ESYT3: variants seen among roughly 807,000 people sequenced by gnomAD.
The protein encoded by ESYT3 is extended synaptotagmin 3.
In ESYT3, 101 loss-of-function variants were observed where a neutral mutation model predicts 111.5. The ratio of observed to expected loss-of-function variants is 0.91; its 90% CI spans 0.77 to 1.07. The LOEUF (loss-of-function observed/expected upper bound fraction) is 1.07, where lower values mean the gene tolerates loss of function less well. ESYT3 is among the 50% of genes least tolerant of loss of function. ESYT3 has a pLI of 0.00. For synonymous variants in ESYT3, 416 were observed against 446.8 expected, an observed-to-expected ratio of 0.93 and a Z score of 0.87; for missense variants, 1,097 against 1,109.4, an observed-to-expected ratio of 0.99 and a Z score of 0.16.
At chr3:138,443,338 G>C (rs570381333) in intron 1 of ESYT3, among the ~76,000 whole-genome samples, 1 of 152,346 alleles carries the variant, frequency 6.6e-6, no homozygotes, top group South Asian at 2.1e-4. Context: ...AGTTTTAATG[G>C]TTAAATGTTT....
chr3:138,455,341 CGGGA>C lies in ESYT3; in HGVS notation c.504+17_504+20del. The C allele has an allele frequency of 6.2e-7, 1 of 1,613,838 alleles. No homozygotes were observed. The highest frequency in any genetic ancestry group is 8.5e-7 in the Non-Finnish European group (1 of 1,179,840). Reference sequence around the variant, plus strand: ...CTTTGGACAGAAGGTGGGTGTGTCTCGGGAGGGTCAGCCTGGACTGGCTGTGCAG... The same window carrying C: ...CTTTGGACAGAAGGTGGGTGTGTCTCGGGTCAGCCTGGACTGGCTGTGCAG... On this transcript the variant is annotated intron_variant, in intron 3 of 22. Coordinates refer to ENST00000389567, the MANE Select transcript of ESYT3 (RefSeq NM_031913.5).
chr3:138,464,506 A>G lies in ESYT3; in HGVS notation c.1077A>G (p.Glu359=). The G allele has an allele frequency of 6.2e-7, 1 of 1,613,982 alleles. No homozygotes were observed. Residue 359 remains glutamate, a synonymous_variant, in exon 9 of 23, where the codon GAA becomes GAG. Transcript: ENST00000389567. ...IYRNLNPTWN[E]VFEFMVYEVP... is the part of the protein sequence containing the mutation. Reference sequence around the variant, plus strand: ...GGAACCTGAACCCCACCTGGAACGAAGTGTTTGAGGTAAGGGTCTCCTTGG... The same window carrying G: ...GGAACCTGAACCCCACCTGGAACGAGGTGTTTGAGGTAAGGGTCTCCTTGG...
rs767079355 is a variant in ESYT3, at chr3:138,476,891, T to G, written c.*37T>G. On this transcript the variant is annotated 3_prime_UTR_variant, in exon 23 of 23. Transcript: ENST00000389567. The stretch of plus-strand genomic sequence containing the variant: ...CTTATCACTCACCTTTATATTAAAA[T>G]GTATATATATGTATATATTTTTTCC... 10 of 1,503,748 alleles carry G rather than the reference T, an allele frequency of 6.7e-6. No individual in the cohort carries two copies. The South Asian group carries it at 1.2e-4, about 18-fold the overall frequency. 93.2% of individuals were successfully genotyped at this position (1,503,748 alleles called of 1,614,324 possible).
chr3:138,460,396 C>G (rs1002476904), intron 6 of ESYT3, among the ~76,000 whole-genome samples: 3 of 152,188 alleles, frequency 2.0e-5, no homozygotes, highest in African/African-American at 7.2e-5. Context: ...GAGCTGAGGC[C>G]TGGGCCCTCG....
At chr3:138,468,304 C>T (rs2033038550) in intron 12 of ESYT3, 110 bp downstream of exon 12, 1 of 999,040 alleles carries the variant, frequency 1.0e-6, no homozygotes, top group Non-Finnish European at 1.6e-6. Flanking sequence ...TTGCTCACCT[C>T]CTGAAGAACA....
At chr3:138,465,710 C>T (rs1291561570) in intron 10 of ESYT3, among the ~76,000 whole-genome samples, 2 of 152,170 alleles carry the variant, frequency 1.3e-5, no homozygotes, top group Non-Finnish European at 2.9e-5. Flanking sequence ...TACCAAGTCC[C>T]CATTTGGAGT....
Position 138,462,106 on chromosome 3 carries a change from TG to T in ESYT3, c.817del (p.Glu273ArgfsTer14), listed in dbSNP as rs1481139182. 37 of 1,614,162 alleles carry T rather than the reference TG, an allele frequency of 2.3e-5. No homozygotes were observed. The highest frequency in any genetic ancestry group is 3.1e-5 in the Non-Finnish European group (37 of 1,180,024). ...TCCAGTGATGTGTCAGACAGCTTAC[TG>T]GAGGACCTCATTGCCACCCACCTGG... The part of the protein sequence containing the change: ...PGINDVSDSL[L>X]EDLIATHLVL... On this transcript the variant is annotated frameshift_variant, in exon 8 of 23. Transcript: ENST00000389567. LOFTEE classifies it high-confidence loss of function.
At chr3:138,436,770 ATC>A (rs1480338995) in intron 1 of ESYT3, among the ~76,000 whole-genome samples, 2 of 152,140 alleles carry the variant, frequency 1.3e-5, no homozygotes, top group East Asian at 1.9e-4. Context: ...CATCTGTCAG[ATC>A]TCTGTTTTGT....
chr3:138,468,020 C>T (rs1230937252), intron 11 of ESYT3, 85 bp from the exon 12 acceptor site: 2 of 1,232,808 alleles, frequency 1.6e-6, no homozygotes, highest in Admixed American at 3.6e-5. Flanking sequence ...TACTAGGATG[C>T]CAGGTCTCAG....
Position 138,474,338 on chromosome 3 carries a change from CCT to C in ESYT3, c.2455_2456del (p.Leu819ValfsTer2), listed in dbSNP as rs769318549. 1.6e-5 allele frequency: 26 copies of C among 1,596,248 alleles called. No homozygotes were observed. Among genetic ancestry groups the C allele is most frequent in the South Asian group, 2.3e-5 (2 of 86,852 alleles). The stretch of plus-strand genomic sequence containing the variant: ...CAGTGAAGCGGAAGACCTTGGAACC[CCT>C]GTTTGATGAGACGTAAGTGGGCTGG... ...TSVKRKTLEP[L>X]FDETFEFFVP... On this transcript the variant is annotated frameshift_variant, in exon 20 of 23. Coordinates refer to ENST00000389567, the MANE Select transcript of ESYT3 (RefSeq NM_031913.5). LOFTEE classifies it high-confidence loss of function.
intron 18 of ESYT3, chr3:138,473,130 G>T: frequency 7.3e-7 from 1 of 1,363,926 alleles, no homozygotes; most frequent in Non-Finnish European, 9.4e-7. Flanking sequence ...GAGTTATACT[G>T]GGATGACATG....
chr3:138,460,593 T>G lies in ESYT3; in HGVS notation c.739-18T>G, dbSNP rs752138104. 1 of 1,613,770 alleles carries G rather than the reference T, an allele frequency of 6.2e-7. No homozygotes were observed. The highest frequency in any genetic ancestry group is 1.1e-5 in the South Asian group (1 of 91,072). Reference sequence around the variant, plus strand: ...TCCCAACCCTTTCCAGCCTAATAGCTTCCCTCTGCCCCTGAAGCACCTACA... The same window carrying G: ...TCCCAACCCTTTCCAGCCTAATAGCGTCCCTCTGCCCCTGAAGCACCTACA... On this transcript the variant is annotated intron_variant, in intron 6 of 22. Transcript: ENST00000389567.
At chr3:138,452,847 A>G (rs1343567826) in intron 2 of ESYT3, among the ~76,000 whole-genome samples, 2 of 152,180 alleles carry the variant, frequency 1.3e-5, no homozygotes, top group Non-Finnish European at 2.9e-5. Context: ...GGTTAGGTAT[A>G]AGAAAGGACT....
At chr3:138,460,944 G>C (rs1193683462) in intron 7 of ESYT3, among the ~76,000 whole-genome samples, 4 of 152,214 alleles carry the variant, frequency 2.6e-5, no homozygotes, top group Non-Finnish European at 5.9e-5. Flanking sequence ...TTGGGCTGAC[G>C]TTCAGGTCCC....
intron 2 of ESYT3, among the ~76,000 whole-genome samples, chr3:138,454,653 C>T (rs1009575327): frequency 6.6e-6 from 1 of 152,256 alleles, no homozygotes; most frequent in Non-Finnish European, 1.5e-5. Context: ...CCACCATCCT[C>T]CCCTGTCTCT....
At chr3:138,449,082 CTTTTTTTT>C (rs398040196) in intron 1 of ESYT3, among the ~76,000 whole-genome samples, 1 of 113,122 alleles carries the variant, frequency 8.8e-6, no homozygotes, top group Non-Finnish European at 1.8e-5. Context: ...CTTTCTTTTT[CTTTTTTTT>C]TTTTTTTTTT....
intron 3 of ESYT3, 107 bp from the exon 4 acceptor site, chr3:138,457,461 A>G (rs2032353378): frequency 2.2e-6 from 2 of 925,214 alleles, no homozygotes; most frequent in Admixed American, 1.7e-5. Flanking sequence ...TCTTGGAAGT[A>G]TGGTGGTCAT....
rs754608453 is a variant in ESYT3, at chr3:138,476,909, T to TA, written c.*55_*56insA. 20 of 1,455,382 alleles carry TA rather than the reference T, an allele frequency of 1.4e-5. No homozygotes were observed. Among genetic ancestry groups the TA allele is most frequent in the Non-Finnish European group, 1.8e-5 (19 of 1,069,130 alleles). The allele number at this position is 1,455,382 out of a possible 1,614,324, so 90.2% of individuals were successfully genotyped here. A position where few individuals can be genotyped will look rare whatever the true frequency, so the allele number is the denominator to read the frequency against. ...ATTAAAATGTATATATATGTATATATTTTTTCCTTTGGATCACTTACATCC... is the reference window on the plus strand; with the variant it reads ...ATTAAAATGTATATATATGTATATATATTTTTCCTTTGGATCACTTACATCC... On this transcript the variant is annotated 3_prime_UTR_variant, in exon 23 of 23. Transcript: ENST00000389567.
chr3:138,471,263 A>G (rs527587632), intron 17 of ESYT3, among the ~76,000 whole-genome samples: 3 of 152,312 alleles, frequency 2.0e-5, no homozygotes, highest in East Asian at 3.9e-4. Flanking sequence ...AGAATTTTCT[A>G]TAATGTACCT....
Sources: allele counts gnomAD v4.1 joint callset (sites outside exome capture counted in the v4.1 genomes callset), GRCh38; gene constraint gnomAD v4.1.1; transcripts MANE v1.5; gene names NCBI Gene and HGNC (gene_info 2026-07-23, HGNC 2026-07-21).